The following KCNQ5 variants were observed in gnomAD, a reference collection of about 807,000 sequenced individuals.
KCNQ5 encodes potassium voltage-gated channel subfamily KQT member 5.
A neutral mutation model predicts 98.2 loss-of-function variants in KCNQ5; 30 were observed. The ratio of observed to expected loss-of-function variants is 0.31; its 90% confidence interval spans 0.23 to 0.41. KCNQ5 has a LOEUF of 0.41. Among genes scored for constraint, KCNQ5 ranks in the 10% least tolerant of loss-of-function variants. The pLI is 1.00. For missense variants in KCNQ5, 835 were observed against 1,182.5 expected (o/e 0.71, Z 4.31); for synonymous variants, 458 against 449.4 (o/e 1.02, Z -0.24).
intron 1 of KCNQ5, among the ~76,000 whole-genome samples, chr6:72,888,388 AG>A (rs1229648237): frequency 6.6e-6 from 1 of 152,168 alleles, no homozygotes; most frequent in Non-Finnish European, 1.5e-5. Flanking sequence ...CTGTGCACAG[AG>A]GGCCTGTAAT....
chr6:72,985,414 C>T (rs1433121068), intron 1 of KCNQ5, among the ~76,000 whole-genome samples: 1 of 152,066 alleles, frequency 6.6e-6, no homozygotes, highest in Non-Finnish European at 1.5e-5. Flanking sequence ...CCAGATAAAC[C>T]ACAACATTCC....
At chr6:72,920,287 A>G (rs912665220) in intron 1 of KCNQ5, among the ~76,000 whole-genome samples, 1 of 152,094 alleles carries the variant, frequency 6.6e-6, no homozygotes, top group Admixed American at 6.6e-5. Flanking sequence ...GCAGGACACT[A>G]TATCAAAAAA....
chr6:72,625,224 T>C (rs1368315254), intron 1 of KCNQ5, among the ~76,000 whole-genome samples: 2 of 152,206 alleles, frequency 1.3e-5, no homozygotes, highest in Non-Finnish European at 2.9e-5. Context: ...ATTATAATGG[T>C]ATTTTAGGGT....
chr6:72,850,963 A>G (rs1370351992), intron 1 of KCNQ5, among the ~76,000 whole-genome samples: 3 of 151,924 alleles, frequency 2.0e-5, no homozygotes, highest in Non-Finnish European at 4.4e-5. Flanking sequence ...TGACTAACAG[A>G]TACTCCTCGT....
At chr6:72,669,233 A>T (rs1292444062) in intron 1 of KCNQ5, among the ~76,000 whole-genome samples, 4 of 152,192 alleles carry the variant, frequency 2.6e-5, no homozygotes, top group Non-Finnish European at 5.9e-5. Context: ...AAACCCGACA[A>T]GCTAATGGGC....
At chr6:72,695,948 G>A (rs1156828876) in intron 1 of KCNQ5, among the ~76,000 whole-genome samples, 2 of 152,046 alleles carry the variant, frequency 1.3e-5, no homozygotes, top group Non-Finnish European at 2.9e-5. Flanking sequence ...TGAGCCAAAA[G>A]TAATGTTTTG....
intron 1 of KCNQ5, among the ~76,000 whole-genome samples, chr6:72,636,432 C>G (rs1470593798): frequency 6.6e-6 from 1 of 152,078 alleles, no homozygotes; most frequent in Non-Finnish European, 1.5e-5. Flanking sequence ...GCATTTTTTT[C>G]TGGTTGAAAA....
chr6:73,088,157 G>A (rs1774070313), intron 5 of KCNQ5, among the ~76,000 whole-genome samples: 1 of 151,650 alleles, frequency 6.6e-6, no homozygotes, highest in Non-Finnish European at 1.5e-5. Flanking sequence ...GAGTAGCTGG[G>A]ATTACAGGCA....
intron 1 of KCNQ5, among the ~76,000 whole-genome samples, chr6:72,967,245 T>G (rs1261904156): frequency 6.6e-6 from 1 of 152,174 alleles, no homozygotes; most frequent in Non-Finnish European, 1.5e-5. Flanking sequence ...ACTATAAAAA[T>G]TTTAGTCAGC....
intron 9 of KCNQ5, among the ~76,000 whole-genome samples, chr6:73,132,793 T>A (rs996565260): frequency 1.3e-5 from 2 of 152,216 alleles, no homozygotes; most frequent in African/African-American, 4.8e-5. Context: ...CATTATCTGT[T>A]GGGGCTGTTC....
intron 3 of KCNQ5, among the ~76,000 whole-genome samples, chr6:73,046,452 A>G (rs1273955359): frequency 1.3e-5 from 2 of 152,248 alleles, no homozygotes; most frequent in Non-Finnish European, 1.5e-5. Flanking sequence ...CATTAAAACA[A>G]TTTTAATCCC....
At chr6:73,116,580 G>A (rs1169034688) in intron 7 of KCNQ5, among the ~76,000 whole-genome samples, 1 of 152,208 alleles carries the variant, frequency 6.6e-6, no homozygotes, top group African/African-American at 2.4e-5. Context: ...GGAGGCTGAA[G>A]CCAGAGGATT....
rs768531237 is a variant in KCNQ5, at chr6:73,195,447, T to G, written c.*33T>G. 6.3e-7 allele frequency: 1 copy of G among 1,598,568 alleles called. No individual in the cohort carries two copies. Among genetic ancestry groups the G allele is most frequent in the Non-Finnish European group, 8.5e-7 (1 of 1,171,516 alleles). On this transcript the variant is annotated 3_prime_UTR_variant, in exon 14 of 14. Transcript: ENST00000370398. Reference sequence around the variant, plus strand: ...ATTTTCTTTCCAGGCATAGCAGTTCTTTAGCCATACATATCATTGCATGAA... The same window carrying G: ...ATTTTCTTTCCAGGCATAGCAGTTCGTTAGCCATACATATCATTGCATGAA...
chr6:72,882,103 G>T (rs987475671), intron 1 of KCNQ5, among the ~76,000 whole-genome samples: 1 of 152,190 alleles, frequency 6.6e-6, no homozygotes, highest in Non-Finnish European at 1.5e-5. Flanking sequence ...GGATGGAAAT[G>T]AGTAAATTTA....
intron 1 of KCNQ5, among the ~76,000 whole-genome samples, chr6:72,858,323 C>G (rs1322178866): frequency 2.6e-5 from 4 of 152,076 alleles, no homozygotes; most frequent in Admixed American, 1.3e-4. Context: ...AAATTTATTT[C>G]AAAAGTTCGT....
intron 1 of KCNQ5, among the ~76,000 whole-genome samples, chr6:72,871,470 A>T (rs949993355): frequency 1.3e-5 from 2 of 152,176 alleles, no homozygotes; most frequent in African/African-American, 2.4e-5. Flanking sequence ...TCATCATTTA[A>T]TCTGTTAAAT....
chr6:72,657,095 A>C (rs1228402397), intron 1 of KCNQ5, among the ~76,000 whole-genome samples: 5 of 152,164 alleles, frequency 3.3e-5, no homozygotes, highest in Non-Finnish European at 7.4e-5. Flanking sequence ...CTATAGTCGT[A>C]GCTACTCAAG....
intron 3 of KCNQ5, among the ~76,000 whole-genome samples, chr6:73,057,229 C>T (rs1038233432): frequency 1.4e-5 from 2 of 143,824 alleles, no homozygotes; most frequent in African/African-American, 5.2e-5. Context: ...ATCACAAGGA[C>T]AGAAAACCAA....
At chr6:73,053,817 CA>C (rs1772344575) in intron 3 of KCNQ5, among the ~76,000 whole-genome samples, 1 of 151,854 alleles carries the variant, frequency 6.6e-6, no homozygotes, top group Non-Finnish European at 1.5e-5. Flanking sequence ...AGATCGACCC[CA>C]AAGCTAGTAG....
Sources: allele counts gnomAD v4.1 joint callset (sites outside exome capture counted in the v4.1 genomes callset), GRCh38; gene constraint gnomAD v4.1.1; transcripts MANE v1.5; gene names NCBI Gene and HGNC (gene_info 2026-07-23, HGNC 2026-07-21).